The following MYO3B variants were observed in gnomAD, a reference collection of about 807,000 sequenced individuals.
The protein encoded by MYO3B is myosin-IIIb.
In MYO3B, 156 loss-of-function variants were observed where a neutral mutation model predicts 174.6. That is an observed-to-expected ratio of 0.89 (90% CI 0.78 to 1.02). The LOEUF is 1.02. Ranked by LOEUF, MYO3B falls within the 50% of genes least tolerant of loss-of-function variation. The pLI is 0.00. For synonymous variants in MYO3B, 563 were observed against 569.1 expected, an observed-to-expected ratio of 0.99 and a Z score of 0.15; for missense variants, 1,632 against 1,639.4, an observed-to-expected ratio of 1.00 and a Z score of 0.08.
chr2:170,469,748 T>C (rs1451636641), intron 25 of MYO3B, among the ~76,000 whole-genome samples: 2 of 152,184 alleles, frequency 1.3e-5, no homozygotes, highest in Non-Finnish European at 2.9e-5. Context: ...TCCAGCCCTT[T>C]TGTTATTATT....
chr2:170,557,012 T>C (rs1691357793), intron 32 of MYO3B, among the ~76,000 whole-genome samples: 1 of 152,242 alleles, frequency 6.6e-6, no homozygotes, highest in South Asian at 2.1e-4. Context: ...TTTGTTTTCC[T>C]ATTCTTGAGT....
chr2:170,255,687 C>T (rs1425552959), intron 7 of MYO3B, among the ~76,000 whole-genome samples: 1 of 152,086 alleles, frequency 6.6e-6, no homozygotes, highest in Non-Finnish European at 1.5e-5. Flanking sequence ...AGAAAAACAC[C>T]AGGCCCCCTG....
chr2:170,421,988 C>T (rs182876840), intron 22 of MYO3B, among the ~76,000 whole-genome samples: 1 of 152,316 alleles, frequency 6.6e-6, no homozygotes, highest in Admixed American at 6.5e-5. Context: ...GAATGAAGAA[C>T]TCTGAACTGT....
chr2:170,494,743 A>AG (rs1273929758), intron 25 of MYO3B, among the ~76,000 whole-genome samples: 4 of 151,292 alleles, frequency 2.6e-5, no homozygotes, highest in African/African-American at 9.7e-5. Context: ...AAAAAAAAAA[A>AG]AAAAAGAAGA....
intron 18 of MYO3B, among the ~76,000 whole-genome samples, chr2:170,401,950 G>A (rs1251057378): frequency 3.3e-5 from 5 of 152,196 alleles, no homozygotes; most frequent in Non-Finnish European, 4.4e-5. Context: ...TTACAGGCGC[G>A]TGCCACCACG....
intron 8 of MYO3B, among the ~76,000 whole-genome samples, chr2:170,350,059 T>C (rs1473528196): frequency 1.3e-5 from 2 of 151,960 alleles, no homozygotes; most frequent in Non-Finnish European, 2.9e-5. Context: ...TGGATTGCAG[T>C]GGCGCGATCT....
intron 7 of MYO3B, among the ~76,000 whole-genome samples, chr2:170,283,664 T>G (rs1170986058): frequency 6.6e-6 from 1 of 152,152 alleles, no homozygotes; most frequent in Admixed American, 6.6e-5. Flanking sequence ...TACAAGCCAC[T>G]AATAACAATC....
At chr2:170,447,761 CA>C (rs796718994) in intron 23 of MYO3B, among the ~76,000 whole-genome samples, 61 of 152,276 alleles carry the variant, frequency 4.0e-4, no homozygotes, top group African/African-American at 1.3e-3. Flanking sequence ...TATTATTACT[CA>C]AATCAGTCTC....
intron 8 of MYO3B, among the ~76,000 whole-genome samples, chr2:170,362,521 A>G (rs2105652680): frequency 6.6e-6 from 1 of 152,262 alleles, no homozygotes; most frequent in African/African-American, 2.4e-5. Context: ...ACTCATTTCA[A>G]AGGGAGACTC....
chr2:170,314,917 C>T (rs2093764468), intron 7 of MYO3B, among the ~76,000 whole-genome samples: 1 of 152,210 alleles, frequency 6.6e-6, no homozygotes. Flanking sequence ...GCCCACTATG[C>T]TACTCAAGAC....
intron 25 of MYO3B, among the ~76,000 whole-genome samples, chr2:170,481,683 C>T (rs953407433): frequency 6.6e-6 from 1 of 152,152 alleles, no homozygotes; most frequent in Non-Finnish European, 1.5e-5. Context: ...ACAGCTTCAA[C>T]ATTGTGAGTA....
chr2:170,388,552 A>G (rs2094391585), intron 14 of MYO3B, among the ~76,000 whole-genome samples: 1 of 152,144 alleles, frequency 6.6e-6, no homozygotes, highest in Non-Finnish European at 1.5e-5. Flanking sequence ...TCTAAGGGCA[A>G]TAGGAAGCCA....
intron 22 of MYO3B, among the ~76,000 whole-genome samples, chr2:170,442,157 G>A (rs187899682): frequency 9.6e-4 from 146 of 151,882 alleles, no homozygotes; most frequent in Non-Finnish European, 1.6e-3. Flanking sequence ...GTGTTATCTC[G>A]GAGCTATATG....
chr2:170,393,537 T>C (rs6750101), intron 16 of MYO3B, among the ~76,000 whole-genome samples: 6,215 of 152,206 alleles, frequency 0.041, 399 homozygotes, highest in African/African-American at 0.14. Context: ...TTTTGCAAAA[T>C]ATATAGATTC....
At chr2:170,253,565 T>G (rs1472545925) in intron 7 of MYO3B, among the ~76,000 whole-genome samples, 1 of 152,130 alleles carries the variant, frequency 6.6e-6, no homozygotes, top group Non-Finnish European at 1.5e-5. Context: ...CATCAGAGTC[T>G]AGAAATTTAA....
At chr2:170,235,854 C>T in intron 6 of MYO3B, 137 bp from the exon 7 acceptor site, 1 of 996,356 alleles carries the variant, frequency 1.0e-6, no homozygotes, top group Non-Finnish European at 1.5e-6. Context: ...GCCTAGAATG[C>T]ACACATCTTA....
chr2:170,395,526 C>A (rs2094438184), intron 16 of MYO3B, among the ~76,000 whole-genome samples: 2 of 152,086 alleles, frequency 1.3e-5, no homozygotes. Flanking sequence ...GAGAGTACTG[C>A]TCTGAAGAGA....
intron 32 of MYO3B, among the ~76,000 whole-genome samples, chr2:170,604,480 T>C (rs1694696493): frequency 6.6e-6 from 1 of 152,168 alleles, no homozygotes; most frequent in South Asian, 2.1e-4. Context: ...TAATTAAACA[T>C]TTTAAAAATA....
intron 30 of MYO3B, among the ~76,000 whole-genome samples, chr2:170,539,110 A>C (rs905467294): frequency 6.6e-6 from 1 of 152,252 alleles, no homozygotes; most frequent in Non-Finnish European, 1.5e-5. Context: ...GTTACAGTGC[A>C]TCAAGTTGTT....
Sources: gnomAD v4.1 joint callset for allele counts (sites outside exome capture counted in the v4.1 genomes callset) on GRCh38, gnomAD v4.1.1 for gene constraint, MANE v1.5 for transcripts, NCBI Gene and HGNC (gene_info 2026-07-23, HGNC 2026-07-21) for gene names.